The following ZMAT4 variants were observed in gnomAD, a reference collection of about 807,000 sequenced individuals.
ZMAT4 encodes the protein zinc finger matrin-type 4.
In ZMAT4, 17 loss-of-function variants were observed where a neutral mutation model predicts 28.7. The ratio of observed to expected loss-of-function variants is 0.59; its 90% CI spans 0.41 to 0.89. ZMAT4 has a LOEUF of 0.89. Ranked by LOEUF, ZMAT4 falls within the 40% of genes least tolerant of loss-of-function variation. The probability of loss-of-function intolerance (pLI) is 0.00; values close to 1 mark genes in which losing one functional copy is unlikely to be tolerated. For synonymous variants in ZMAT4, 117 were observed against 109.2 expected, an observed-to-expected ratio of 1.07 and a Z score of -0.44; for missense variants, 240 against 283.8, an observed-to-expected ratio of 0.85 and a Z score of 1.11.
At chr8:40,669,108 A>G (rs1449037252) in intron 5 of ZMAT4, among the ~76,000 whole-genome samples, 1 of 152,148 alleles carries the variant, frequency 6.6e-6, no homozygotes, top group Admixed American at 6.5e-5. Context: ...AAAGTTTGGA[A>G]TCTAAGGCCT....
chr8:40,879,170 C>T (rs1351960570), intron 1 of ZMAT4, among the ~76,000 whole-genome samples: 2 of 152,118 alleles, frequency 1.3e-5, no homozygotes, highest in African/African-American at 4.8e-5. Context: ...ACCTACAATC[C>T]CAACACTTTG....
intron 2 of ZMAT4, among the ~76,000 whole-genome samples, chr8:40,815,687 AG>A (rs1815505228): frequency 6.6e-6 from 1 of 152,216 alleles, no homozygotes; most frequent in Non-Finnish European, 1.5e-5. Flanking sequence ...TAGGCACAAG[AG>A]AAATGCTATA....
intron 3 of ZMAT4, among the ~76,000 whole-genome samples, chr8:40,751,655 C>T (rs562651839): frequency 1.3e-5 from 2 of 151,906 alleles, no homozygotes; most frequent in Non-Finnish European, 2.9e-5. Flanking sequence ...ACTAACGGGC[C>T]TGATGTGAAA....
chr8:40,697,545 A>T, intron 3 of ZMAT4, 144 bp from the exon 4 acceptor site: 1 of 925,546 alleles, frequency 1.1e-6, no homozygotes, highest in South Asian at 3.3e-5. Context: ...CTTGCTTTCT[A>T]CTCTCTTCTT....
At chr8:40,819,518 C>T (rs990066886) in intron 2 of ZMAT4, among the ~76,000 whole-genome samples, 23 of 152,252 alleles carry the variant, frequency 1.5e-4, no homozygotes, top group African/African-American at 5.3e-4. Flanking sequence ...TAAATGACAG[C>T]CAGGAGCAAA....
At chr8:40,848,660 T>C (rs1178112514) in intron 1 of ZMAT4, among the ~76,000 whole-genome samples, 2 of 152,064 alleles carry the variant, frequency 1.3e-5, no homozygotes, top group Non-Finnish European at 2.9e-5. Flanking sequence ...AATAACCACA[T>C]CATCACACTG....
At chr8:40,822,283 C>T (rs1815859161) in intron 2 of ZMAT4, among the ~76,000 whole-genome samples, 1 of 152,202 alleles carries the variant, frequency 6.6e-6, no homozygotes, top group Non-Finnish European at 1.5e-5. Flanking sequence ...GAATCCCCTG[C>T]AATAACTAAC....
At chr8:40,817,702 C>A (rs1815599627) in intron 2 of ZMAT4, among the ~76,000 whole-genome samples, 1 of 152,180 alleles carries the variant, frequency 6.6e-6, no homozygotes, top group African/African-American at 2.4e-5. Context: ...TCCCACTCAA[C>A]AGGGAGGCCC....
chr8:40,602,865 G>A (rs1368436509), intron 5 of ZMAT4, among the ~76,000 whole-genome samples: 1 of 152,088 alleles, frequency 6.6e-6, no homozygotes, highest in East Asian at 1.9e-4. Context: ...TGGGTTGTCT[G>A]TTTACTCTGC....
chr8:40,801,039 T>C (rs965091876), intron 2 of ZMAT4, among the ~76,000 whole-genome samples: 2 of 151,778 alleles, frequency 1.3e-5, no homozygotes, highest in African/African-American at 4.8e-5. Flanking sequence ...AAAGGGAACA[T>C]TACTACAGGT....
At chr8:40,539,035 T>C (rs2722457) in intron 6 of ZMAT4, among the ~76,000 whole-genome samples, 150,458 of 152,228 alleles carry the variant, frequency 0.99, 74,378 homozygotes, top group Non-Finnish European at 1. Flanking sequence ...CCACCCGCCT[T>C]GGCCTCCCAA....
At chr8:40,813,305 G>GT (rs139656729) in intron 2 of ZMAT4, among the ~76,000 whole-genome samples, 2,887 of 152,256 alleles carry the variant, frequency 0.019, 96 homozygotes, top group African/African-American at 0.065. Context: ...GAGAAAAGGG[G>GT]TAAAAACAAA....
chr8:40,754,679 T>C (rs1411718643), intron 3 of ZMAT4, among the ~76,000 whole-genome samples: 2 of 152,148 alleles, frequency 1.3e-5, no homozygotes, highest in Non-Finnish European at 2.9e-5. Context: ...CCTAGAAGAC[T>C]CAGGAATTTG....
At chr8:40,698,808 G>T (rs1796896018) in intron 3 of ZMAT4, among the ~76,000 whole-genome samples, 1 of 152,116 alleles carries the variant, frequency 6.6e-6, no homozygotes, top group Non-Finnish European at 1.5e-5. Flanking sequence ...CAGGAGGCTT[G>T]CCTGAAGTTC....
At chr8:40,841,594 G>A (rs1816703030) in intron 1 of ZMAT4, among the ~76,000 whole-genome samples, 1 of 152,136 alleles carries the variant, frequency 6.6e-6, no homozygotes, top group Non-Finnish European at 1.5e-5. Flanking sequence ...CCCGACAGGT[G>A]TCGTACACCC....
intron 2 of ZMAT4, among the ~76,000 whole-genome samples, chr8:40,819,277 A>T (rs1453784037): frequency 6.6e-6 from 1 of 152,178 alleles, no homozygotes; most frequent in Admixed American, 6.5e-5. Context: ...AGATGTTTGA[A>T]AACTTTCCCA....
chr8:40,837,197 G>T (rs1461818251), intron 1 of ZMAT4, among the ~76,000 whole-genome samples: 1 of 152,200 alleles, frequency 6.6e-6, no homozygotes, highest in African/African-American at 2.4e-5. Flanking sequence ...GCACAAAAAT[G>T]ATGGACACAG....
At chr8:40,679,070 T>C (rs1188492208) in intron 4 of ZMAT4, among the ~76,000 whole-genome samples, 1 of 152,168 alleles carries the variant, frequency 6.6e-6, no homozygotes, top group African/African-American at 2.4e-5. Flanking sequence ...ATAAAATCAA[T>C]GCAAGCCCTC....
At chr8:40,558,777 C>T (rs536785199) in intron 6 of ZMAT4, among the ~76,000 whole-genome samples, 2 of 151,982 alleles carry the variant, frequency 1.3e-5, no homozygotes, top group East Asian at 1.9e-4. Context: ...GCTTCTTGGC[C>T]GAGGGGACCC....
Sources: allele counts gnomAD v4.1 joint callset (sites outside exome capture counted in the v4.1 genomes callset), GRCh38; gene constraint gnomAD v4.1.1; transcripts MANE v1.5; gene names NCBI Gene and HGNC (gene_info 2026-07-23, HGNC 2026-07-21).